Variants in TLK1 observed in about 807,000 individuals in gnomAD.
TLK1 encodes the protein tousled like kinase 1, also known as serine/threonine-protein kinase tousled-like 1.
Under a neutral mutation model 105.3 loss-of-function variants are expected in TLK1, and 24 were observed. The ratio of observed to expected loss-of-function variants is 0.23; its 90% CI spans 0.17 to 0.32. The LOEUF (loss-of-function observed/expected upper bound fraction) is 0.32. Among genes scored for constraint, TLK1 ranks in the 10% least tolerant of loss-of-function variants. TLK1 has a pLI of 1.00. For synonymous variants in TLK1, 321 were observed against 310.4 expected (o/e 1.03, Z -0.36); for missense variants, 558 against 910.5 (o/e 0.61, Z 4.98).
chr2:171,229,475 C>T (rs1428203677), intron 1 of TLK1, among the ~76,000 whole-genome samples: 1 of 152,194 alleles, frequency 6.6e-6, no homozygotes, highest in Non-Finnish European at 1.5e-5. Flanking sequence ...TTAGTTCTAG[C>T]TGCCAGCTTA....
chr2:171,098,860 G>C (rs1488411329), intron 2 of TLK1, among the ~76,000 whole-genome samples: 2 of 152,018 alleles, frequency 1.3e-5, no homozygotes, highest in African/African-American at 4.8e-5. Context: ...CACTGATCAT[G>C]AACAGACATA....
chr2:171,025,642 G>C (rs1210703258), intron 12 of TLK1, among the ~76,000 whole-genome samples: 1 of 152,144 alleles, frequency 6.6e-6, no homozygotes, highest in African/African-American at 2.4e-5. Context: ...CAGGAGCATA[G>C]GGAGCTGATA....
intron 14 of TLK1, among the ~76,000 whole-genome samples, chr2:171,007,509 AAC>A (rs1036158150): frequency 2.3e-4 from 35 of 151,998 alleles, no homozygotes; most frequent in Non-Finnish European, 1.2e-4. Context: ...AAAAGTTCCT[AAC>A]AGTTATTTTT....
Position 171,006,190 on chromosome 2 carries a change from C to T in TLK1, c.1861G>A (p.Val621Ile), listed in dbSNP as rs545515836. ...SKIMDDDSYG[V>I]DGMDLTSQGA... ...TGGGAAGTTAGATCCATTCCATCTA[C>T]ACCATAGCTATCATCATCCATAATC... Residue 621 changes from valine (V) to isoleucine (I), a missense_variant, in exon 18 of 21, where the codon GTA becomes ATA. Coordinates refer to ENST00000431350, the MANE Select transcript of TLK1 (RefSeq NM_012290.5). 3.1e-6 allele frequency: 5 copies of T among 1,610,020 alleles called. No homozygotes were observed. Among genetic ancestry groups the T allele is most frequent in the South Asian group, 2.2e-5 (2 of 90,046 alleles).
At chr2:171,130,420 T>A (rs1691055684) in intron 1 of TLK1, among the ~76,000 whole-genome samples, 1 of 152,018 alleles carries the variant, frequency 6.6e-6, no homozygotes, top group Non-Finnish European at 1.5e-5. Flanking sequence ...AAAATCTTGG[T>A]AATGACTATG....
At chr2:171,149,254 G>T (rs1282881708) in intron 1 of TLK1, among the ~76,000 whole-genome samples, 3 of 151,432 alleles carry the variant, frequency 2.0e-5, no homozygotes, top group African/African-American at 7.3e-5. Flanking sequence ...AGAAGAAGAA[G>T]AAAAGAAATT....
chr2:171,028,130 T>C (rs1393291157), intron 12 of TLK1, among the ~76,000 whole-genome samples: 1 of 152,198 alleles, frequency 6.6e-6, no homozygotes, highest in Non-Finnish European at 1.5e-5. Flanking sequence ...GCCGCTGCAC[T>C]CCAGCCTGAG....
chr2:171,082,588 AT>A (rs1355558309), intron 3 of TLK1, among the ~76,000 whole-genome samples, 192 bp downstream of exon 3: 4 of 152,214 alleles, frequency 2.6e-5, no homozygotes, highest in Non-Finnish European at 5.9e-5. Flanking sequence ...AAGAAATTAT[AT>A]TTTCTTTCTA....
In TLK1 at chr2:171,105,737, G is replaced by A. The variant is rs144900387; in HGVS notation, c.258+12002C>T. 6.1e-3 allele frequency among the ~76,000 whole-genome samples: 925 copies of A among 152,126 alleles called. 5 individuals are homozygous for A. Among genetic ancestry groups the A allele is most frequent in the Middle Eastern group, 0.014 (4 of 294 alleles). On this transcript the variant is annotated intron_variant, in intron 2 of 20. Transcript: ENST00000431350. ...AATACTAGTAAGGATGCAGAGAAAG[G>A]GAAACCCTCCTACACTGTTGGTGGA...
chr2:171,228,079 G>T (rs1316952781), intron 1 of TLK1, among the ~76,000 whole-genome samples: 1 of 152,198 alleles, frequency 6.6e-6, no homozygotes, highest in African/African-American at 2.4e-5. Context: ...GGGAGGCTGA[G>T]ACAGGAGAAT....
At chr2:171,227,842 C>T (rs1281001932) in intron 1 of TLK1, among the ~76,000 whole-genome samples, 1 of 151,958 alleles carries the variant, frequency 6.6e-6, no homozygotes, top group Non-Finnish European at 1.5e-5. Context: ...ATATTAGACA[C>T]CTTGGAAGAA....
chr2:171,051,030 A>G (rs946398301), intron 8 of TLK1, among the ~76,000 whole-genome samples: 9 of 152,244 alleles, frequency 5.9e-5, no homozygotes, highest in African/African-American at 2.2e-4. Context: ...AGAGAAAAGA[A>G]TTGCCAACCT....
chr2:171,042,507 A>G (rs187305834), intron 11 of TLK1, among the ~76,000 whole-genome samples: 77 of 152,240 alleles, frequency 5.1e-4, no homozygotes, highest in African/African-American at 1.7e-3. Flanking sequence ...TTGGCCTTCC[A>G]AAACAGTGGA....
chr2:171,059,687 C>T (rs1265438285), intron 4 of TLK1, among the ~76,000 whole-genome samples: 1 of 152,090 alleles, frequency 6.6e-6, no homozygotes, highest in African/African-American at 2.4e-5. Context: ...GCACCAGGGA[C>T]CAGTTTTGTG....
intron 1 of TLK1, among the ~76,000 whole-genome samples, chr2:171,157,587 T>C (rs2105608274): frequency 6.6e-6 from 1 of 152,344 alleles, no homozygotes; most frequent in South Asian, 2.1e-4. Flanking sequence ...TGTATTTTAT[T>C]TGTGATAAAA....
chr2:171,144,123 G>T (rs1691699271), intron 1 of TLK1, among the ~76,000 whole-genome samples: 1 of 150,780 alleles, frequency 6.6e-6, no homozygotes, highest in Non-Finnish European at 1.5e-5. Context: ...CAATTTATTA[G>T]GAAGATATAA....
At chr2:171,075,912 T>G (rs928027672) in intron 3 of TLK1, among the ~76,000 whole-genome samples, 2 of 152,088 alleles carry the variant, frequency 1.3e-5, no homozygotes, top group African/African-American at 4.8e-5. Flanking sequence ...CTCCCCGTAG[T>G]AAGAATATTA....
chr2:171,017,876 T>C (rs910814886), intron 12 of TLK1, among the ~76,000 whole-genome samples: 1 of 152,224 alleles, frequency 6.6e-6, no homozygotes, highest in African/African-American at 2.4e-5. Flanking sequence ...AAACCCACCA[T>C]ACTCAGTGAA....
chr2:171,179,112 A>G (rs1692883233), intron 1 of TLK1, among the ~76,000 whole-genome samples: 1 of 152,224 alleles, frequency 6.6e-6, no homozygotes, highest in Admixed American at 6.5e-5. Context: ...AAGACATGGA[A>G]TAACAATTAC....
Sources: gnomAD v4.1 joint callset for allele counts (sites outside exome capture counted in the v4.1 genomes callset) on GRCh38, gnomAD v4.1.1 for gene constraint, MANE v1.5 for transcripts, NCBI Gene and HGNC (gene_info 2026-07-23, HGNC 2026-07-21) for gene names.